Variants in RYR3 observed in about 807,000 individuals in gnomAD.
RYR3 encodes the protein brain ryanodine receptor-calcium release channel.
A neutral mutation model predicts 584.3 loss-of-function variants in RYR3; 207 were observed. The ratio of observed to expected loss-of-function variants is 0.35; its 90% CI spans 0.32 to 0.40. The LOEUF (loss-of-function observed/expected upper bound fraction) is 0.40, where lower values mean the gene tolerates loss of function less well. RYR3 is among the 10% of genes least tolerant of loss of function. The pLI is 1.00. For synonymous variants in RYR3, 2,416 were observed against 2,248.5 expected (o/e 1.07, Z -2.11); for missense variants, 5,616 against 6,089.2 (o/e 0.92, Z 2.59).
intron 18 of RYR3, among the ~76,000 whole-genome samples, chr15:33,611,834 T>C (rs2060206211): frequency 6.6e-6 from 1 of 151,934 alleles, no homozygotes; most frequent in Non-Finnish European, 1.5e-5. Flanking sequence ...AATTTTTGTA[T>C]CTTTAGTAGA....
intron 52 of RYR3, among the ~76,000 whole-genome samples, chr15:33,742,694 A>C (rs2070275342): frequency 6.6e-6 from 1 of 152,208 alleles, no homozygotes; most frequent in African/African-American, 2.4e-5. Context: ...CTTCTTTCTT[A>C]ACATTTACTT....
chr15:33,850,569 A>C, intron 94 of RYR3: 1 of 151,958 alleles, frequency 6.6e-6, no homozygotes, highest in East Asian at 1.9e-4. Context: ...CCAATGTTTA[A>C]TTTTTTTTCA....
rs116567910 is a variant in RYR3 at position 33,501,448 on chromosome 15, G to A, written c.172-2183G>A. On this transcript the variant is annotated intron_variant, in intron 2 of 103. Coordinates refer to ENST00000634891, the MANE Select transcript of RYR3 (RefSeq NM_001036.6). Reference sequence around the variant, plus strand: ...GACTGAATATGTTATTGTAAAAGTGGGCATTAATGTTGTGACCATTTAATT... The same window carrying A: ...GACTGAATATGTTATTGTAAAAGTGAGCATTAATGTTGTGACCATTTAATT... Among the ~76,000 whole-genome samples the A allele has an allele frequency of 1.9e-3, 289 of 152,216 alleles. 1 individual carries two copies. Among genetic ancestry groups the A allele is most frequent in the African/African-American group, 6.8e-3 (281 of 41,538 alleles).
At chr15:33,800,348 G>A (rs1405090099) in intron 67 of RYR3, among the ~76,000 whole-genome samples, 1 of 152,206 alleles carries the variant, frequency 6.6e-6, no homozygotes, top group Non-Finnish European at 1.5e-5. Context: ...TCCAGGACCA[G>A]GTTAGATGTC....
At chr15:33,421,616 C>A (rs978238356) in intron 1 of RYR3, among the ~76,000 whole-genome samples, 2 of 152,036 alleles carry the variant, frequency 1.3e-5, no homozygotes, top group Admixed American at 1.3e-4. Context: ...CAGTAGGAGA[C>A]AATGAGCTTA....
chr15:33,810,542 A>T lies in RYR3; in HGVS notation c.10090A>T (p.Thr3364Ser), dbSNP rs377565281. 4 of 1,613,450 alleles carry T rather than the reference A, an allele frequency of 2.5e-6. No individual in the cohort carries two copies. In the African/African-American group the frequency reaches 4.0e-5, roughly 16 times the overall value. The change falls in exon 71 of 104, where the codon ACC becomes TCC. Residue 3364 changes from threonine to serine, a missense_variant. By Grantham distance (58) the Thr-to-Ser change is moderately conservative. Coordinates refer to ENST00000634891, the MANE Select transcript of RYR3 (RefSeq NM_001036.6). Reference protein sequence around the residue: ...KRRGDLYSIQTSLIVAALKKM... With the variant: ...KRRGDLYSIQSSLIVAALKKM... ...GCGGGGAGACTTGTATTCCATCCAG[A>T]CCTCCCTCATCGTGGCTGCACTCAA... is the stretch of plus-strand genomic sequence containing the variant.
At chr15:33,805,729 G>GTA (rs1174996667) in intron 69 of RYR3, among the ~76,000 whole-genome samples, 89,528 of 150,988 alleles carry the variant, frequency 0.59, 27,217 homozygotes, top group African/African-American at 0.73. Flanking sequence ...CGCCCGCCTC[G>GTA]GCCTCCCAAA....
Position 33,379,034 on chromosome 15 carries a change from G to C in RYR3, c.51+67938G>C, listed in dbSNP as rs150632374. ...AAATCTTATCTATGTTACCACAAAG[G>C]TTCTCTTTTTCTCCTTCTAAGGAAC... On this transcript the variant is annotated intron_variant, in intron 1 of 103. Transcript: ENST00000634891. Among the ~76,000 whole-genome samples, 441 of 152,174 alleles carry C rather than the reference G, an allele frequency of 2.9e-3. 4 individuals are homozygous for C. The highest frequency in any genetic ancestry group is 0.01 in the African/African-American group (425 of 41,502).
intron 20 of RYR3, 126 bp from the exon 21 acceptor site, chr15:33,628,345 G>A: frequency 3.1e-6 from 2 of 635,220 alleles, no homozygotes; most frequent in South Asian, 3.8e-5. Context: ...GGGTCAGGCA[G>A]CATGAGGTCG....
chr15:33,450,088 A>AAAAAC, intron 1 of RYR3, among the ~76,000 whole-genome samples: 2 of 40,404 alleles, frequency 4.9e-5, no homozygotes, highest in Non-Finnish European at 9.4e-5. Context: ...ATTAATACCT[A>AAAAAC]AAAAAAAAAA....
chr15:33,625,834 C>T (rs2152613145), intron 20 of RYR3, among the ~76,000 whole-genome samples: 1 of 152,240 alleles, frequency 6.6e-6, no homozygotes, highest in African/African-American at 2.4e-5. Flanking sequence ...AGTCAATCTC[C>T]CCTGGGAAAA....
chr15:33,533,443 G>T, intron 5 of RYR3, 54 bp downstream of exon 5: 1 of 1,293,852 alleles, frequency 7.7e-7, no homozygotes, highest in Non-Finnish European at 1.1e-6. Context: ...GGGCTAAGGG[G>T]CTTTTGAGAA....
chr15:33,498,007 C>T (rs1017311892), intron 2 of RYR3, among the ~76,000 whole-genome samples: 14 of 152,138 alleles, frequency 9.2e-5, no homozygotes, highest in African/African-American at 3.4e-4. Flanking sequence ...ACATAATGTC[C>T]TCCAGACTCA....
Position 33,731,556 on chromosome 15 carries a change from C to T in RYR3, c.7286C>T (p.Ala2429Val), listed in dbSNP as rs2068955170. 6.2e-7 allele frequency: 1 copy of T among 1,613,684 alleles called. No homozygotes were observed. Among genetic ancestry groups the T allele is most frequent in the Non-Finnish European group, 8.5e-7 (1 of 1,179,742 alleles). The change falls in exon 48 of 104, where the codon GCC becomes GTC. Residue 2429 changes from alanine (A) to valine (V), a missense_variant. Coordinates refer to ENST00000634891, the MANE Select transcript of RYR3 (RefSeq NM_001036.6). The part of the protein sequence containing the change: ...SAVLPLLTRC[A>V]PLFAGTEHCT... The stretch of plus-strand genomic sequence containing the variant: ...GTGCTCCCGCTCCTCACAAGATGTG[C>T]CCCTCTCTTTGCCGGAACAGAACAC...
At chr15:33,830,197 G>C (rs763886593) in intron 85 of RYR3, among the ~76,000 whole-genome samples, 1 of 152,182 alleles carries the variant, frequency 6.6e-6, no homozygotes, top group Non-Finnish European at 1.5e-5. Context: ...TTTCATGAAA[G>C]GAAGTCAGTT....
chr15:33,641,533 C>G (rs931232679), intron 27 of RYR3, among the ~76,000 whole-genome samples: 7 of 152,332 alleles, frequency 4.6e-5, no homozygotes, highest in African/African-American at 1.7e-4. Context: ...TAGCTAGATC[C>G]TCTTAGCCAG....
chr15:33,422,712 G>C (rs1567205657), intron 1 of RYR3, among the ~76,000 whole-genome samples: 1 of 152,162 alleles, frequency 6.6e-6, no homozygotes, highest in Non-Finnish European at 1.5e-5. Flanking sequence ...TGAATTTATA[G>C]ATAGCAGAGG....
intron 45 of RYR3, among the ~76,000 whole-genome samples, chr15:33,724,848 C>T (rs2068224916): frequency 1.3e-5 from 2 of 152,120 alleles, no homozygotes; most frequent in South Asian, 2.1e-4. Context: ...ATTCCAATTC[C>T]TACTATGATA....
chr15:33,757,074 G>A (rs542855737), intron 59 of RYR3, among the ~76,000 whole-genome samples: 13 of 152,278 alleles, frequency 8.5e-5, no homozygotes, highest in African/African-American at 2.9e-4. Flanking sequence ...CCTGCTCAGA[G>A]GACTAAAGGC....
Sources: allele counts gnomAD v4.1 joint callset (sites outside exome capture counted in the v4.1 genomes callset), GRCh38; gene constraint gnomAD v4.1.1; transcripts MANE v1.5; gene names NCBI Gene and HGNC (gene_info 2026-07-23, HGNC 2026-07-21).